The following COXFA4L3 variants were observed in gnomAD, a reference collection of about 807,000 sequenced individuals.
COXFA4L3 encodes MIR147B host.
At chr15:45,431,170 T>A in the COXFA4L3 span, 5 of 1,211,008 alleles carry the variant, frequency 4.1e-6, no homozygotes, top group Non-Finnish European at 5.8e-6. Context: ...TTCCTATTTT[T>A]TTCCCATGGA....
the COXFA4L3 span, chr15:45,432,192 G>A: frequency 1.4e-6 from 2 of 1,384,760 alleles, no homozygotes; most frequent in Non-Finnish European, 2.0e-6. Context: ...ACCTTTGTGA[G>A]CAAAATAGAT....
At chr15:45,431,671 T>C in the COXFA4L3 span, among the ~76,000 whole-genome samples, 6 of 152,190 alleles carry the variant, frequency 3.9e-5, no homozygotes, top group African/African-American at 1.4e-4. Flanking sequence ...GGCAGTCCTC[T>C]AACCGCTGGC....
chr15:45,432,124 C>G, the COXFA4L3 span: 1 of 1,612,284 alleles, frequency 6.2e-7, no homozygotes, highest in Admixed American at 1.7e-5. Flanking sequence ...CCCTACTGTA[C>G]CTCAAAAGGT....
the COXFA4L3 span, among the ~76,000 whole-genome samples, chr15:45,431,779 A>C: frequency 6.6e-6 from 1 of 152,144 alleles, no homozygotes; most frequent in Non-Finnish European, 1.5e-5. Context: ...TTGGCTTGGC[A>C]GTTTCACTCC....
At chr15:45,432,728 C>T in the COXFA4L3 span, among the ~76,000 whole-genome samples, 7 of 152,148 alleles carry the variant, frequency 4.6e-5, no homozygotes, top group African/African-American at 1.7e-4. Context: ...CCTCTGATCT[C>T]ATAACACTTA....
At chr15:45,432,648 C>T in the COXFA4L3 span, among the ~76,000 whole-genome samples, 6 of 152,114 alleles carry the variant, frequency 3.9e-5, no homozygotes, top group Non-Finnish European at 5.9e-5. Flanking sequence ...CTGGGCAACA[C>T]AGCAAGACTG....
At chr15:45,432,139 T>C in the COXFA4L3 span, 3 of 1,610,316 alleles carry the variant, frequency 1.9e-6, no homozygotes, top group Non-Finnish European at 2.5e-6. Context: ...AAAGGTATTG[T>C]TAAATTAAAA....
At chr15:45,433,026 G>T in the COXFA4L3 span, 2 of 1,610,252 alleles carry the variant, frequency 1.2e-6, no homozygotes, top group Non-Finnish European at 1.7e-6. Context: ...ACGAGCCCTC[G>T]CCTCTTTCTT....
chr15:45,433,312 A>G, the COXFA4L3 span: 4 of 308,922 alleles, frequency 1.3e-5, no homozygotes, highest in Non-Finnish European at 1.2e-5. Flanking sequence ...TTTCTTTAAT[A>G]AAATGCCATT....
the COXFA4L3 span, among the ~76,000 whole-genome samples, chr15:45,431,540 T>C: frequency 6.6e-6 from 1 of 152,214 alleles, no homozygotes; most frequent in Non-Finnish European, 1.5e-5. Flanking sequence ...TAGATTCAGT[T>C]GTCTACGATG....
chr15:45,432,068 T>C, the COXFA4L3 span: 3 of 1,613,056 alleles, frequency 1.9e-6, no homozygotes, highest in Admixed American at 5.0e-5. Context: ...TTCTTTAATT[T>C]TAGCCTTGAT....
chr15:45,433,172 G>A, the COXFA4L3 span: 1 of 797,448 alleles, frequency 1.3e-6, no homozygotes, highest in Non-Finnish European at 2.3e-6. Context: ...AATTAAAGGA[G>A]TGCAGCAATA....
the COXFA4L3 span, chr15:45,432,044 ATGTTTAAT>A: frequency 1.2e-6 from 2 of 1,601,976 alleles, no homozygotes; most frequent in Non-Finnish European, 1.7e-6. Flanking sequence ...ACATCTTTTA[ATGTTTAAT>A]TGGCTTTCTT....
chr15:45,430,992 A>AC, the COXFA4L3 span: 2 of 1,613,152 alleles, frequency 1.2e-6, no homozygotes, highest in South Asian at 2.2e-5. Flanking sequence ...TCCACCTGTT[A>AC]TTTGTTAGCT....
chr15:45,430,848 A>C, the COXFA4L3 span: 2 of 1,607,546 alleles, frequency 1.2e-6, no homozygotes, highest in Admixed American at 3.4e-5. Context: ...TTTTAAAAAC[A>C]ATTGAAAATC....
chr15:45,431,677 C>A, the COXFA4L3 span, among the ~76,000 whole-genome samples: 1 of 152,156 alleles, frequency 6.6e-6, no homozygotes, highest in South Asian at 2.1e-4. Context: ...CCTCTAACCG[C>A]TGGCAGAGGA....
At chr15:45,433,037 C>G in the COXFA4L3 span, 1 of 1,597,972 alleles carries the variant, frequency 6.3e-7, no homozygotes, top group Non-Finnish European at 8.6e-7. Flanking sequence ...CCTCTTTCTT[C>G]TGAAGAGTAC....
chr15:45,430,787 T>C, the COXFA4L3 span: 1 of 1,610,854 alleles, frequency 6.2e-7, no homozygotes, highest in Middle Eastern at 1.7e-4. Context: ...AATTCTTCGC[T>C]GAAGTCATCA....
the COXFA4L3 span, chr15:45,431,400 T>G: frequency 1.4e-5 from 2 of 140,894 alleles, no homozygotes. Flanking sequence ...GTAAAGCTTG[T>G]TTTTTTTTTT....
Sources: gnomAD v4.1 joint callset for allele counts (sites outside exome capture counted in the v4.1 genomes callset) on GRCh38, gnomAD v4.1.1 for gene constraint, MANE v1.5 for transcripts, NCBI Gene and HGNC (gene_info 2026-07-23, HGNC 2026-07-21) for gene names.